The following CCSER1 variants were observed in gnomAD, a reference collection of about 807,000 sequenced individuals.
The protein encoded by CCSER1 is coiled-coil serine rich protein 1.
Under a neutral mutation model 82.0 loss-of-function variants are expected in CCSER1, and 41 were observed. That is an observed-to-expected ratio of 0.50 (90% CI 0.39 to 0.65). CCSER1 has a LOEUF of 0.65. CCSER1 is among the 30% of genes least tolerant of loss of function. The probability of loss-of-function intolerance (pLI) is 0.00; values close to 1 mark genes in which losing one functional copy is unlikely to be tolerated. For missense variants in CCSER1, 1,119 were observed against 1,064.2 expected (o/e 1.05, Z -0.72); for synonymous variants, 414 against 383.9 (o/e 1.08, Z -0.92).
At chr4:90,458,217 C>T (rs1762428293) in intron 4 of CCSER1, among the ~76,000 whole-genome samples, 1 of 152,152 alleles carries the variant, frequency 6.6e-6, no homozygotes, top group Admixed American at 6.5e-5. Flanking sequence ...GGGGGCAGGG[C>T]CTCCACCTGT....
chr4:90,966,696 A>G (rs1214961900), intron 9 of CCSER1, among the ~76,000 whole-genome samples: 2 of 152,130 alleles, frequency 1.3e-5, no homozygotes, highest in Admixed American at 1.3e-4. Context: ...ATGAAAACTT[A>G]TACATTTATT....
chr4:90,995,074 A>G (rs1193933867), intron 9 of CCSER1, among the ~76,000 whole-genome samples: 1 of 152,166 alleles, frequency 6.6e-6, no homozygotes, highest in Non-Finnish European at 1.5e-5. Context: ...AATTTTACAA[A>G]CATGCATTCT....
chr4:91,041,429 T>C (rs375605400), intron 9 of CCSER1, among the ~76,000 whole-genome samples: 1 of 152,216 alleles, frequency 6.6e-6, no homozygotes, highest in African/African-American at 2.4e-5. Flanking sequence ...AGCATTGCTT[T>C]GTGGGTTACA....
intron 10 of CCSER1, among the ~76,000 whole-genome samples, chr4:91,225,321 T>C (rs539722426): frequency 1.6e-5 from 2 of 128,260 alleles, no homozygotes; most frequent in African/African-American, 3.3e-5. Flanking sequence ...ATGTAATATA[T>C]ATGTATATAT....
At chr4:91,375,833 G>C (rs1226825841) in intron 10 of CCSER1, among the ~76,000 whole-genome samples, 2 of 142,080 alleles carry the variant, frequency 1.4e-5, no homozygotes, top group African/African-American at 5.1e-5. Context: ...AGTCTAGAAA[G>C]AGACCTATGT....
chr4:90,890,310 C>T (rs1722771025), intron 8 of CCSER1, among the ~76,000 whole-genome samples: 1 of 152,156 alleles, frequency 6.6e-6, no homozygotes, highest in African/African-American at 2.4e-5. Context: ...TCATCTCACA[C>T]TTTAAGGATT....
chr4:91,340,095 C>T (rs1018430087), intron 10 of CCSER1, among the ~76,000 whole-genome samples: 2 of 151,922 alleles, frequency 1.3e-5, no homozygotes, highest in African/African-American at 4.8e-5. Context: ...CCAGCCTGGG[C>T]TACAGAGAGA....
intron 5 of CCSER1, among the ~76,000 whole-genome samples, chr4:90,574,456 G>C (rs1209724245): frequency 1.3e-5 from 2 of 150,264 alleles, no homozygotes; most frequent in Non-Finnish European, 3.0e-5. Flanking sequence ...TTTTAGTAGA[G>C]ACGGGGTTTC....
intron 10 of CCSER1, among the ~76,000 whole-genome samples, chr4:91,471,886 C>T (rs1291200434): frequency 6.8e-6 from 1 of 147,212 alleles, no homozygotes; most frequent in South Asian, 2.1e-4. Flanking sequence ...AGGAGAATGG[C>T]GTGAACCCGG....
chr4:90,330,878 G>A (rs534061208), intron 3 of CCSER1, among the ~76,000 whole-genome samples: 6 of 152,170 alleles, frequency 3.9e-5, no homozygotes, highest in African/African-American at 1.2e-4. Flanking sequence ...AGTGCAGTGG[G>A]GTTGAACATA....
intron 9 of CCSER1, among the ~76,000 whole-genome samples, chr4:90,988,284 A>G (rs1484675008): frequency 6.9e-6 from 1 of 145,284 alleles, no homozygotes; most frequent in Non-Finnish European, 1.5e-5. Context: ...GCAGTTAACC[A>G]TGATTGCAGC....
intron 9 of CCSER1, among the ~76,000 whole-genome samples, chr4:91,082,523 C>G (rs1581508772): frequency 6.6e-6 from 1 of 152,104 alleles, no homozygotes; most frequent in Non-Finnish European, 1.5e-5. Flanking sequence ...GACTAAAACA[C>G]CAAAAGCAAT....
chr4:91,095,411 C>T (rs1388771383), intron 10 of CCSER1, among the ~76,000 whole-genome samples: 1 of 152,136 alleles, frequency 6.6e-6, no homozygotes, highest in Non-Finnish European at 1.5e-5. Context: ...CTCTAATTGC[C>T]ACAGCCAGCA....
intron 10 of CCSER1, among the ~76,000 whole-genome samples, chr4:91,224,641 A>G (rs890624892): frequency 5.3e-5 from 8 of 152,082 alleles, no homozygotes; most frequent in African/African-American, 1.4e-4. Flanking sequence ...AAAAATATCA[A>G]TAATTAGGAA....
chr4:90,454,494 A>G (rs1761920230), intron 4 of CCSER1, among the ~76,000 whole-genome samples: 1 of 152,036 alleles, frequency 6.6e-6, no homozygotes, highest in African/African-American at 2.4e-5. Context: ...TCCCTTTTCT[A>G]TCATGTTTAG....
rs938972414 is a variant in CCSER1 at position 91,554,530 on chromosome 4, T to C, written c.2218-44042T>C. 1.1e-4 allele frequency among the ~76,000 whole-genome samples: 16 copies of C among 151,268 alleles called. 1 individual carries two copies. Among genetic ancestry groups the C allele is most frequent in the Middle Eastern group, 3.4e-3 (1 of 294 alleles). ...TCTGTACACTGAACACTGAAAAACA[T>C]TGATAAACAAAATTTAAGAAGATGT... On this transcript the variant is annotated intron_variant, in intron 10 of 10. Transcript: ENST00000509176.
intron 5 of CCSER1, among the ~76,000 whole-genome samples, chr4:90,553,362 A>G (rs1158282978): frequency 6.6e-6 from 1 of 152,220 alleles, no homozygotes; most frequent in Admixed American, 6.5e-5. Flanking sequence ...TCATCACAAA[A>G]TATTTGTAAA....
intron 7 of CCSER1, among the ~76,000 whole-genome samples, chr4:90,741,176 T>C (rs1430050648): frequency 1.3e-5 from 2 of 152,178 alleles, no homozygotes; most frequent in African/African-American, 4.8e-5. Context: ...AATAAAGGGC[T>C]TAATTATAAG....
intron 1 of CCSER1, among the ~76,000 whole-genome samples, chr4:90,210,018 T>G (rs1413864872): frequency 6.6e-6 from 1 of 152,194 alleles, no homozygotes; most frequent in Non-Finnish European, 1.5e-5. Context: ...TGTTTTTCTA[T>G]GCCCTAATGT....
Sources: allele counts gnomAD v4.1 joint callset (sites outside exome capture counted in the v4.1 genomes callset), GRCh38; gene constraint gnomAD v4.1.1; transcripts MANE v1.5; gene names NCBI Gene and HGNC (gene_info 2026-07-23, HGNC 2026-07-21).